EFCAB14: variants seen among roughly 807,000 people sequenced by gnomAD.
The protein encoded by EFCAB14 is EF-hand calcium binding domain 14.
Under a neutral mutation model 56.5 loss-of-function variants are expected in EFCAB14, and 43 were observed. That is an observed-to-expected ratio of 0.76 (90% confidence interval 0.60 to 0.98). The LOEUF is 0.98. Ranked by LOEUF, EFCAB14 falls within the 50% of genes least tolerant of loss-of-function variation. EFCAB14 has a pLI of 0.00. For synonymous variants in EFCAB14, 235 were observed against 212.9 expected, an observed-to-expected ratio of 1.10 and a Z score of -0.90; for missense variants, 538 against 580.3, an observed-to-expected ratio of 0.93 and a Z score of 0.75.
At chr1:46,691,739 G>T in intron 5 of EFCAB14, 88 bp downstream of exon 5, 1 of 836,180 alleles carries the variant, frequency 1.2e-6, no homozygotes. Context: ...GCATAGCAGG[G>T]CCTTTTCAGA....
At chr1:46,699,243 CAGAGA>C (rs1677119229) in intron 3 of EFCAB14, among the ~76,000 whole-genome samples, 1 of 152,214 alleles carries the variant, frequency 6.6e-6, no homozygotes, top group South Asian at 2.1e-4. Context: ...TGGACTCTGA[CAGAGA>C]AGTTAGAATT....
intron 5 of EFCAB14, among the ~76,000 whole-genome samples, chr1:46,690,632 T>A (rs1676976311): frequency 2.0e-5 from 3 of 152,132 alleles, no homozygotes. Context: ...AATCAAGATA[T>A]TAAAATAATA....
In EFCAB14 at chr1:46,689,569, G is replaced by A. The variant is rs546757407; in HGVS notation, c.795+18C>T. The A allele has an allele frequency of 1.2e-6, 2 of 1,612,208 alleles. No individual in the cohort carries two copies. Among genetic ancestry groups the A allele is most frequent in the African/African-American group, 1.3e-5 (1 of 74,980 alleles). On this transcript the variant is annotated intron_variant, in intron 6 of 10. Coordinates refer to ENST00000371933, the MANE Select transcript of EFCAB14 (RefSeq NM_014774.3). ...GTGCACTGTGGTCACAGGGAGTTAAGCCAGAGATAAAAAGCACCTGTTTCA... is the reference window on the plus strand; with the variant it reads ...GTGCACTGTGGTCACAGGGAGTTAAACCAGAGATAAAAAGCACCTGTTTCA...
At chr1:46,715,537 G>A (rs1677374139) in intron 2 of EFCAB14, among the ~76,000 whole-genome samples, 1 of 152,030 alleles carries the variant, frequency 6.6e-6, no homozygotes, top group Admixed American at 6.5e-5. Context: ...TTCTAAAGAG[G>A]CAATCGTTTG....
chr1:46,702,030 T>C (rs1302929188), intron 3 of EFCAB14, among the ~76,000 whole-genome samples: 1 of 152,242 alleles, frequency 6.6e-6, no homozygotes, highest in Non-Finnish European at 1.5e-5. Context: ...TTCTAGAATG[T>C]CAGATCAGAT....
At chr1:46,695,972 G>A (rs181055565) in intron 4 of EFCAB14, among the ~76,000 whole-genome samples, 1 of 152,246 alleles carries the variant, frequency 6.6e-6, no homozygotes, top group Admixed American at 6.5e-5. Flanking sequence ...GAGCTACCAT[G>A]CCCAGCCTCC....
Position 46,684,622 on chromosome 1 carries a change from T to C in EFCAB14, c.1075-20A>G, listed in dbSNP as rs375819291. 1.6e-5 allele frequency: 26 copies of C among 1,598,712 alleles called. No homozygotes were observed. In the East Asian group the frequency reaches 4.0e-4, roughly 25 times the overall value. On this transcript the variant is annotated intron_variant, in intron 8 of 10. Coordinates refer to ENST00000371933, the MANE Select transcript of EFCAB14 (RefSeq NM_014774.3). Reference sequence around the variant, plus strand: ...TTCTTTCTGCACAAAACAAAGATTATAGAAGGTTTAAGGTGGTAGTAAGAC... The same window carrying C: ...TTCTTTCTGCACAAAACAAAGATTACAGAAGGTTTAAGGTGGTAGTAAGAC...
Position 46,677,232 on chromosome 1 carries a change from A to G in EFCAB14, c.*1229T>C, listed in dbSNP as rs1307635365. The G allele has an allele frequency of 2.0e-5, 3 of 152,356 alleles. No homozygotes were observed. Among genetic ancestry groups the G allele is most frequent in the Non-Finnish European group, 4.4e-5 (3 of 68,026 alleles). The allele number at this position is 152,356 out of a possible 1,614,324, so 9.4% of individuals were successfully genotyped here. A position where few individuals can be genotyped will look rare whatever the true frequency, so the allele number is the denominator to read the frequency against. ...TAGATTTGAAAAACTTGCTACCACC[A>G]TGTGAAGGCCCTAGCTCCAGGCCTG... On this transcript the variant is annotated 3_prime_UTR_variant, in exon 11 of 11. Coordinates refer to ENST00000371933, the MANE Select transcript of EFCAB14 (RefSeq NM_014774.3).
chr1:46,711,793 A>G (rs1677311749), intron 2 of EFCAB14, among the ~76,000 whole-genome samples: 2 of 152,220 alleles, frequency 1.3e-5, no homozygotes, highest in South Asian at 4.1e-4. Context: ...GCAATATTTT[A>G]TATTTATACA....
intron 2 of EFCAB14, among the ~76,000 whole-genome samples, chr1:46,714,723 G>A (rs1677361329): frequency 6.6e-6 from 1 of 150,946 alleles, no homozygotes; most frequent in Non-Finnish European, 1.5e-5. Flanking sequence ...GACTGCTTGA[G>A]CCCATGAAGT....
At chr1:46,680,578 G>C (rs926517121) in intron 10 of EFCAB14, among the ~76,000 whole-genome samples, 6 of 152,206 alleles carry the variant, frequency 3.9e-5, no homozygotes, top group African/African-American at 1.4e-4. Flanking sequence ...TGGCAGGAGA[G>C]GGGACTGGGA....
rs1677428649 is a variant in EFCAB14, at chr1:46,718,235, G to A, written c.-148C>T. On this transcript the variant is annotated 5_prime_UTR_variant, in exon 1 of 11. Transcript: ENST00000371933. ...GTCACTCCCACCTAGGGGTGGGACT[G>A]ACCAGATCCGCCAGGGACTGGAGAT... The A allele has an allele frequency of 2.9e-6, 2 of 694,888 alleles. No homozygotes were observed. Among genetic ancestry groups the A allele is most frequent in the South Asian group, 2.0e-5 (1 of 50,462 alleles). 43.0% of individuals were successfully genotyped at this position (694,888 alleles called of 1,614,324 possible).
chr1:46,685,696 T>G (rs1262863369), intron 8 of EFCAB14, among the ~76,000 whole-genome samples: 2 of 152,210 alleles, frequency 1.3e-5, no homozygotes, highest in Non-Finnish European at 2.9e-5. Context: ...TGTGTACTGG[T>G]GTGTTCTGAT....
Position 46,684,526 on chromosome 1 carries a change from G to C in EFCAB14, c.1151C>G (p.Pro384Arg). Reference sequence around the variant, plus strand: ...GGTCTCTGGAGGCCTGTTGCTCTCAGGTTTGTTTGTAAGAGCACTGATCAG... The same window carrying C: ...GGTCTCTGGAGGCCTGTTGCTCTCACGTTTGTTTGTAAGAGCACTGATCAG... ...LQLISALTNK[P>R]ESNRPPETAD... The change falls in exon 9 of 11, where the codon CCT becomes CGT. Residue 384 changes from proline (P) to arginine (R), a missense_variant. Coordinates refer to ENST00000371933, the MANE Select transcript of EFCAB14 (RefSeq NM_014774.3). 6.2e-7 allele frequency: 1 copy of C among 1,613,964 alleles called. No homozygotes were observed. The highest frequency in any genetic ancestry group is 8.5e-7 in the Non-Finnish European group (1 of 1,179,960).
chr1:46,693,461 C>T (rs903827434), intron 4 of EFCAB14, among the ~76,000 whole-genome samples: 2 of 152,200 alleles, frequency 1.3e-5, no homozygotes, highest in African/African-American at 4.8e-5. Flanking sequence ...AAACACAGTG[C>T]CTGGCATGAT....
chr1:46,700,986 A>AGTGTGTGTGTGAGTGTGTGTGT (rs1553123127), intron 3 of EFCAB14, among the ~76,000 whole-genome samples: 1 of 142,844 alleles, frequency 7.0e-6, no homozygotes, highest in East Asian at 2.0e-4. Flanking sequence ...AGAGTGAGTG[A>AGTGTGTGTGTGAGTGTGTGTGT]GTGTGTGTGT....
At chr1:46,686,698 G>T in intron 8 of EFCAB14, 86 bp downstream of exon 8, 1 of 1,295,450 alleles carries the variant, frequency 7.7e-7, no homozygotes, top group South Asian at 1.3e-5. Flanking sequence ...ACAAAAGTAC[G>T]CCCTTTGAAA....
At position 46,688,325 on chromosome 1, in the gene EFCAB14, A is replaced by C. The variant is rs768961625; in HGVS notation, c.987+28T>G. On this transcript the variant is annotated intron_variant, in intron 7 of 10. Coordinates refer to ENST00000371933, the MANE Select transcript of EFCAB14 (RefSeq NM_014774.3). ...TCCATGCACAGACAAAACACACTGC[A>C]TGTCACAAAAGATCAGAAAAGGCTT... is the stretch of plus-strand genomic sequence containing the variant. 8 of 1,604,844 alleles carry C rather than the reference A, an allele frequency of 5.0e-6. No individual in the cohort carries two copies. In the East Asian group the frequency reaches 1.8e-4, roughly 36 times the overall value.
At chr1:46,683,140 T>C in intron 10 of EFCAB14, 160 bp downstream of exon 10, 3 of 755,810 alleles carry the variant, frequency 4.0e-6, no homozygotes, top group Non-Finnish European at 4.1e-6. Flanking sequence ...GTTCATGGGA[T>C]GGTTATCAGG....
Sources: allele counts gnomAD v4.1 joint callset (sites outside exome capture counted in the v4.1 genomes callset), GRCh38; gene constraint gnomAD v4.1.1; transcripts MANE v1.5; gene names NCBI Gene and HGNC (gene_info 2026-07-23, HGNC 2026-07-21).